GDAP1: variants seen among roughly 807,000 people sequenced by gnomAD.
GDAP1 encodes ganglioside-induced differentiation-associated protein 1.
GDAP1 carries 34 observed loss-of-function variants against 40.1 expected under a neutral mutation model. The observed-to-expected ratio is 0.85, with a 90% CI of 0.64 to 1.13. The LOEUF (loss-of-function observed/expected upper bound fraction) is 1.13. GDAP1 is among the 50% of genes most tolerant of loss of function. The probability of loss-of-function intolerance (pLI) is 0.00; values close to 1 mark genes in which losing one functional copy is unlikely to be tolerated. For synonymous variants in GDAP1, 170 were observed against 157.4 expected, an observed-to-expected ratio of 1.08 and a Z score of -0.60; for missense variants, 374 against 433.7, an observed-to-expected ratio of 0.86 and a Z score of 1.22.
At chr8:74,368,347 A>G (rs1809694882), downstream of GDAP1, among the ~76,000 whole-genome samples, 3 of 152,230 alleles carry the variant, frequency 2.0e-5, no homozygotes, top group Admixed American at 2.0e-4. Flanking sequence ...AATTACTTGC[A>G]AACATTGCCA....
chr8:74,364,070 C>G lies in GDAP1; in HGVS notation c.780C>G (p.Phe260Leu), dbSNP rs1156852340. The G allele has an allele frequency of 2.5e-6, 4 of 1,613,944 alleles. No individual in the cohort carries two copies. The highest frequency in any genetic ancestry group is 3.4e-6 in the Non-Finnish European group (4 of 1,179,996). Residue 260 changes from phenylalanine to leucine, a missense_variant, in exon 6 of 6, where the codon TTC becomes TTG. Physicochemically the swap from Phe to Leu is conservative, Grantham distance 22. Coordinates refer to ENST00000220822, the MANE Select transcript of GDAP1 (RefSeq NM_018972.4). ...CTGTCACATTGCATCGACTGAAGTT[C>G]CTGGGGTTTGCAAGGAGAAACTGGG... Reference protein sequence around the residue: ...SLAVTLHRLKFLGFARRNWGN... With the variant: ...SLAVTLHRLKLLGFARRNWGN...
downstream of GDAP1, among the ~76,000 whole-genome samples, chr8:74,371,774 AT>A (rs200914612): frequency 1.5e-3 from 211 of 145,048 alleles, no homozygotes; most frequent in Middle Eastern, 7.0e-3. Flanking sequence ...AAAATTTTTT[AT>A]TTTTTTTTAT....
intron 2 of GDAP1, among the ~76,000 whole-genome samples, chr8:74,399,421 C>G (rs1174691058): frequency 1.3e-5 from 2 of 149,500 alleles, no homozygotes; most frequent in African/African-American, 2.6e-5. Flanking sequence ...TTTATTGTGT[C>G]TATTTGATTC....
intron 2 of GDAP1, among the ~76,000 whole-genome samples, chr8:74,485,712 A>AT (rs1806767886): frequency 6.6e-6 from 1 of 152,102 alleles, no homozygotes; most frequent in African/African-American, 2.4e-5. Context: ...ATGAAAAAAA[A>AT]AATCACAGAA....
chr8:74,417,233 T>A lies in GDAP1; in HGVS notation c.165+65912T>A, dbSNP rs569480029. Among the ~76,000 whole-genome samples the A allele has an allele frequency of 1.9e-4, 29 of 150,106 alleles. 1 individual carries two copies. The highest frequency in any genetic ancestry group is 3.5e-4 in the Non-Finnish European group (24 of 68,018). ...TCATGATAAAAACTCTCAGCTTACA[T>A]AGAAGAAAATTTCCTCGACTTGATA... On this transcript the variant is annotated intron_variant, in intron 2 of 2. Transcript: ENST00000523640.
chr8:74,404,327 T>A (rs1805606961), intron 2 of GDAP1, among the ~76,000 whole-genome samples: 1 of 149,368 alleles, frequency 6.7e-6, no homozygotes, highest in Non-Finnish European at 1.5e-5. Flanking sequence ...CACCAACCTA[T>A]AGTAGCTAGT....
intron 2 of GDAP1, among the ~76,000 whole-genome samples, chr8:74,466,018 C>A (rs187691781): frequency 2.0e-5 from 3 of 152,272 alleles, no homozygotes; most frequent in South Asian, 2.1e-4. Flanking sequence ...TTGCTTATAG[C>A]GCAGACTCTC....
At chr8:74,353,954 A>G (rs13269312) in intron 2 of GDAP1, among the ~76,000 whole-genome samples, 63,858 of 151,912 alleles carry the variant, frequency 0.42, 13,826 homozygotes, top group Middle Eastern at 0.53. Context: ...TGTCCCTAAC[A>G]CTTCTAAAAA....
chr8:74,399,202 T>TCAAAGAATGTAAGATAAAC (rs1563458044), intron 2 of GDAP1, among the ~76,000 whole-genome samples: 59 of 150,280 alleles, frequency 3.9e-4, no homozygotes, highest in African/African-American at 1.4e-3. Context: ...GTTGGTAAGC[T>TCAAAGAATGTAAGATAAAC]ATTGATTATT....
rs1563445155 is a variant in GDAP1 at position 74,364,075 on chromosome 8, G to A, written c.785G>A (p.Gly262Glu). 6.2e-7 allele frequency: 1 copy of A among 1,614,086 alleles called. No homozygotes were observed. Among genetic ancestry groups the A allele is most frequent in the Non-Finnish European group, 8.5e-7 (1 of 1,179,974 alleles). ...AVTLHRLKFL[G>E]FARRNWGNGK... ...ACATTGCATCGACTGAAGTTCCTGG[G>A]GTTTGCAAGGAGAAACTGGGGAAAC... Residue 262 changes from glycine to glutamate, a missense_variant, in exon 6 of 6, where the codon GGG becomes GAG. Coordinates refer to ENST00000220822, the MANE Select transcript of GDAP1 (RefSeq NM_018972.4).
In GDAP1 at chr8:74,415,925, TG is replaced by T. The variant is rs1269368560; in HGVS notation, c.165+64608del. 5.3e-3 allele frequency among the ~76,000 whole-genome samples: 794 copies of T among 149,692 alleles called. 88 individuals carry two copies. The highest frequency in any genetic ancestry group is 0.02 in the African/African-American group (764 of 39,152). ...TTGAGATTCTCAATATAATCTCTAG[TG>T]GGGATGATCCCCCTTTGCCAGAACC... On this transcript the variant is annotated intron_variant, in intron 2 of 2. Coordinates refer to the GDAP1 transcript ENST00000523640.
rs1048494442 is a variant in GDAP1 at position 74,402,460 on chromosome 8, C to T, written c.165+51139C>T. Among the ~76,000 whole-genome samples, 11 of 150,410 alleles carry T rather than the reference C, an allele frequency of 7.3e-5. 1 individual carries two copies. The highest frequency in any genetic ancestry group is 1.3e-4 in the Admixed American group (2 of 15,252). ...CGATTTTCCAGGTGCCGTCTGTCACCCCTTTCTTTGACTAGGAAAGGGAAC... is the reference window on the plus strand; with the variant it reads ...CGATTTTCCAGGTGCCGTCTGTCACTCCTTTCTTTGACTAGGAAAGGGAAC... On this transcript the variant is annotated intron_variant, in intron 2 of 2. Coordinates refer to the GDAP1 transcript ENST00000523640.
rs1467074448 is a variant in GDAP1 at position 74,365,977 on chromosome 8, G to C, written c.*1610G>C. On this transcript the variant is annotated 3_prime_UTR_variant, in exon 6 of 6. Coordinates refer to ENST00000220822, the MANE Select transcript of GDAP1 (RefSeq NM_018972.4). ...TTATTCATTAGTTCATAGTGTTTGA[G>C]TTCTTTATGTCACTCTGTTAGAAAC... 8.9e-6 allele frequency: 4 copies of C among 451,612 alleles called. No individual in the cohort carries two copies. The highest frequency in any genetic ancestry group is 1.8e-5 in the Non-Finnish European group (4 of 226,232). The allele number at this position is 451,612 out of a possible 1,614,324, so 28.0% of individuals were successfully genotyped here. A position where few individuals can be genotyped will look rare whatever the true frequency, so the allele number is the denominator to read the frequency against.
intron 2 of GDAP1, among the ~76,000 whole-genome samples, chr8:74,447,543 C>T (rs1586838096): frequency 6.6e-6 from 1 of 152,094 alleles, no homozygotes; most frequent in Non-Finnish European, 1.5e-5. Context: ...AACATAGGCA[C>T]ACAACACACA....
intron 2 of GDAP1, among the ~76,000 whole-genome samples, chr8:74,406,839 A>G (rs1050753550): frequency 2.0e-5 from 3 of 149,968 alleles, no homozygotes; most frequent in Non-Finnish European, 4.4e-5. Flanking sequence ...TTAACTTAAC[A>G]TGAGACAATT....
At chr8:74,434,801 A>G (rs987111595) in intron 2 of GDAP1, among the ~76,000 whole-genome samples, 2 of 152,238 alleles carry the variant, frequency 1.3e-5, no homozygotes, top group Non-Finnish European at 2.9e-5. Context: ...ATGTTTAAGT[A>G]ACTTTACATA....
rs28453247 is a variant in GDAP1 at position 74,487,750 on chromosome 8, C to T, written c.166-928C>T. Among the ~76,000 whole-genome samples, 853 of 152,148 alleles carry T rather than the reference C, an allele frequency of 5.6e-3. 6 individuals carry two copies. The highest frequency in any genetic ancestry group is 0.02 in the African/African-American group (814 of 41,516). ...GCCAAGAGATCTATTTTATATTTGCCTCTTTAACTTAATCTTAGGATCTAA... is the reference window on the plus strand; with the variant it reads ...GCCAAGAGATCTATTTTATATTTGCTTCTTTAACTTAATCTTAGGATCTAA... On this transcript the variant is annotated intron_variant, in intron 2 of 2. Transcript: ENST00000523640.
intron 2 of GDAP1, among the ~76,000 whole-genome samples, chr8:74,466,659 TA>T (rs1806473511): frequency 6.6e-6 from 1 of 151,934 alleles, no homozygotes; most frequent in Non-Finnish European, 1.5e-5. Flanking sequence ...TTAATAGGGG[TA>T]GGGGAAAAAT....
In GDAP1 at chr8:74,366,358, C is replaced by A. The variant is rs925381543; in HGVS notation, c.*1991C>A. 3 of 454,236 alleles carry A rather than the reference C, an allele frequency of 6.6e-6. No homozygotes were observed. Among genetic ancestry groups the A allele is most frequent in the Non-Finnish European group, 1.3e-5 (3 of 226,742 alleles). The allele number at this position is 454,236 out of a possible 1,614,324, so 28.1% of individuals were successfully genotyped here. On this transcript the variant is annotated 3_prime_UTR_variant, in exon 6 of 6. Coordinates refer to ENST00000220822, the MANE Select transcript of GDAP1 (RefSeq NM_018972.4). ...AGCAACTCTTCTAAAATGTTTCAAG[C>A]AAAGATAGTAATGACCTCAGTTTCT...
Sources: gnomAD v4.1 joint callset for allele counts (sites outside exome capture counted in the v4.1 genomes callset) on GRCh38, gnomAD v4.1.1 for gene constraint, MANE v1.5 for transcripts, NCBI Gene and HGNC (gene_info 2026-07-23, HGNC 2026-07-21) for gene names.